Variants in ROBO1 observed in about 807,000 individuals in gnomAD.
ROBO1 encodes the protein roundabout guidance receptor 1, also known as roundabout homolog 1.
A neutral mutation model predicts 195.9 loss-of-function variants in ROBO1; 149 were observed. The observed-to-expected ratio is 0.76, with a 90% CI of 0.67 to 0.87. The LOEUF is 0.87. Ranked by LOEUF, ROBO1 falls within the 40% of genes least tolerant of loss-of-function variation. ROBO1 has a pLI of 0.00. For missense variants in ROBO1, 1,933 were observed against 2,068.3 expected (o/e 0.93, Z 1.27); for synonymous variants, 816 against 733.2 (o/e 1.11, Z -1.82).
chr3:79,381,712 A>G (rs1575751960), intron 2 of ROBO1, among the ~76,000 whole-genome samples: 1 of 152,166 alleles, frequency 6.6e-6, no homozygotes, highest in Non-Finnish European at 1.5e-5. Context: ...TTGCAGAGTC[A>G]ACATCATCTT....
At position 78,717,344 on chromosome 3, in the gene ROBO1, C is replaced by T; in HGVS notation, c.848G>A (p.Cys283Tyr). The change falls in exon 7 of 31, where the codon TGT (cysteine) becomes TAT (tyrosine). Residue 283 changes from cysteine to tyrosine, a missense_variant. Around this residue, in one of 3 missense-constraint regions of ROBO1, gnomAD observed 1,737 missense variants for 1,882.5 expected, o/e 0.92. Transcript: ENST00000464233. ...VTVDDSAEFK[C>Y]EARGDPVPTV... ...AGGTACAGGGTCACCTCGGGCCTCA[C>T]ATTTAAATTCTGCACTGTCATCCAC... 1 of 1,613,064 alleles carries T rather than the reference C, an allele frequency of 6.2e-7. No individual in the cohort carries two copies. Among genetic ancestry groups the T allele is most frequent in the Non-Finnish European group, 8.5e-7 (1 of 1,179,522 alleles).
chr3:79,723,332 T>C (rs1296189092), intron 1 of ROBO1, among the ~76,000 whole-genome samples: 5 of 152,178 alleles, frequency 3.3e-5, no homozygotes, highest in Admixed American at 6.5e-5. Context: ...CTGAAATATA[T>C]GATGGTTTTG....
At chr3:79,371,984 C>G (rs1357747945) in intron 2 of ROBO1, among the ~76,000 whole-genome samples, 1 of 152,102 alleles carries the variant, frequency 6.6e-6, no homozygotes, top group Non-Finnish European at 1.5e-5. Context: ...TCATAGGGAG[C>G]AGGCAACCTA....
chr3:79,173,756 G>T (rs1200074013), intron 2 of ROBO1, among the ~76,000 whole-genome samples: 4 of 152,168 alleles, frequency 2.6e-5, no homozygotes, highest in African/African-American at 7.2e-5. Context: ...CCCCAGTGCG[G>T]GATCCACTGG....
chr3:79,198,927 G>C (rs968015144), intron 2 of ROBO1, among the ~76,000 whole-genome samples: 2 of 151,958 alleles, frequency 1.3e-5, no homozygotes, highest in South Asian at 4.1e-4. Context: ...GGAGATTTTG[G>C]GCTGAGATGA....
Position 78,926,478 on chromosome 3 carries a change from G to A in ROBO1, c.499+12123C>T, listed in dbSNP as rs1033340736. ...CTCAACTGCTGTGGAAAGAAAGTCG[G>A]GAAGAATCAATCGCAGGTTTCTGGT... On this transcript the variant is annotated intron_variant, in intron 4 of 30. Transcript: ENST00000464233. Among the ~76,000 whole-genome samples the A allele has an allele frequency of 7.2e-5, 11 of 152,158 alleles. 1 individual carries two copies. The highest frequency in any genetic ancestry group is 2.4e-4 in the African/African-American group (10 of 41,428).
chr3:79,235,223 C>T (rs1324361508), intron 2 of ROBO1, among the ~76,000 whole-genome samples: 2 of 152,096 alleles, frequency 1.3e-5, no homozygotes, highest in Non-Finnish European at 2.9e-5. Context: ...TAAAATTATA[C>T]ACAGTAGTCT....
At chr3:78,989,977 T>C (rs1289369577) in intron 3 of ROBO1, among the ~76,000 whole-genome samples, 1 of 152,154 alleles carries the variant, frequency 6.6e-6, no homozygotes, top group Non-Finnish European at 1.5e-5. Context: ...ATAATGCGTA[T>C]AAAAACAAAA....
Position 78,711,348 on chromosome 3 carries a change from CTCCTTCCT to C in ROBO1, c.1045+3041_1045+3048del, listed in dbSNP as rs1191923818. Among the ~76,000 whole-genome samples, 76 of 54,676 alleles carry C rather than the reference CTCCTTCCT, an allele frequency of 1.4e-3. 1 individual carries two copies. Among genetic ancestry groups the C allele is most frequent in the African/African-American group, 3.8e-3 (41 of 10,918 alleles). The allele number at this position is 54,676 out of a possible 152,430, so 35.9% of individuals were successfully genotyped here. On this transcript the variant is annotated intron_variant, in intron 8 of 30. Transcript: ENST00000464233. ...CTCTCCTTCCTTCCTTCCTTCCTTC[CTCCTTCCT>C]TCCTTCCTTCCTTCCTTCCTTCCTT...
rs985887109 is a variant in ROBO1, at chr3:79,594,578, A to C, written c.-50-4617T>G. ...ATAACCAGTGTTTTAGAATCACAGA[A>C]TGTAAATTCAAATTGTTCCACCATG... On this transcript the variant is annotated intron_variant, in intron 1 of 30. Transcript: ENST00000464233. Among the ~76,000 whole-genome samples, 4 of 152,028 alleles carry C rather than the reference A, an allele frequency of 2.6e-5. No individual in the cohort carries two copies. In the East Asian group the frequency reaches 7.8e-4, roughly 30 times the overall value.
chr3:79,170,716 T>C (rs1030381875), intron 2 of ROBO1, among the ~76,000 whole-genome samples: 6 of 152,120 alleles, frequency 3.9e-5, no homozygotes, highest in African/African-American at 2.4e-5. Context: ...GTTATTTTTT[T>C]TTCTCTTAGG....
chr3:78,626,682 A>AT (rs1269816243), intron 26 of ROBO1, among the ~76,000 whole-genome samples: 2 of 152,140 alleles, frequency 1.3e-5, no homozygotes, highest in Admixed American at 1.3e-4. Context: ...GCCATTGTAT[A>AT]TAACAAATAC....
chr3:79,251,165 T>TTA (rs2082722112), intron 2 of ROBO1, among the ~76,000 whole-genome samples: 1 of 152,198 alleles, frequency 6.6e-6, no homozygotes, highest in Admixed American at 6.6e-5. Flanking sequence ...ATGTATATAA[T>TTA]TACCCAATTA....
chr3:79,557,741 AAAAT>A (rs1559990970), intron 2 of ROBO1, among the ~76,000 whole-genome samples: 2 of 105,958 alleles, frequency 1.9e-5, no homozygotes, highest in African/African-American at 9.5e-5. Flanking sequence ...AAAACAAAAA[AAAAT>A]ATATATATAT....
intron 3 of ROBO1, among the ~76,000 whole-genome samples, chr3:78,976,410 G>C (rs755106386): frequency 6.6e-6 from 1 of 152,140 alleles, no homozygotes; most frequent in Non-Finnish European, 1.5e-5. Context: ...CCACTGTGCC[G>C]GTGAGTCTTT....
intron 1 of ROBO1, among the ~76,000 whole-genome samples, chr3:79,762,981 G>C (rs1345990187): frequency 2.0e-5 from 3 of 152,112 alleles, no homozygotes; most frequent in Admixed American, 1.3e-4. Flanking sequence ...AATGTGTCTT[G>C]ATGCATGATG....
intron 2 of ROBO1, among the ~76,000 whole-genome samples, chr3:79,574,018 G>A (rs1196870375): frequency 1.3e-5 from 2 of 152,044 alleles, no homozygotes; most frequent in African/African-American, 4.8e-5. Context: ...AGGATCACTT[G>A]TTTCCATTGA....
chr3:79,341,087 T>C (rs746506941), intron 2 of ROBO1, among the ~76,000 whole-genome samples: 7 of 152,166 alleles, frequency 4.6e-5, no homozygotes, highest in Non-Finnish European at 8.8e-5. Flanking sequence ...GGTGGGTAAG[T>C]CCAAGTATTG....
chr3:78,646,273 A>C, intron 20 of ROBO1, 83 bp from the exon 21 acceptor site: 1 of 1,269,136 alleles, frequency 7.9e-7, no homozygotes, highest in Non-Finnish European at 1.1e-6. Context: ...GCTTCTTTCT[A>C]AAATGGAATT....
Sources: allele counts gnomAD v4.1 joint callset (sites outside exome capture counted in the v4.1 genomes callset), GRCh38; gene constraint gnomAD v4.1.1; regional missense constraint gnomAD v4.1.1; transcripts MANE v1.5; gene names NCBI Gene and HGNC (gene_info 2026-07-23, HGNC 2026-07-21).